Variants in LSAMP observed in about 807,000 individuals in gnomAD.
The protein encoded by LSAMP is limbic system associated membrane protein.
LSAMP carries 7 observed loss-of-function variants against 38.6 expected under a neutral mutation model. That is an observed-to-expected ratio of 0.18 (90% CI 0.10 to 0.34). The LOEUF (loss-of-function observed/expected upper bound fraction) is 0.34. Among genes scored for constraint, LSAMP ranks in the 10% least tolerant of loss-of-function variants. The pLI, the probability that LSAMP is intolerant of heterozygous loss-of-function variation, is 1.00. For synonymous variants in LSAMP, 154 were observed against 166.8 expected (o/e 0.92, Z 0.59); for missense variants, 313 against 420.0 (o/e 0.75, Z 2.23).
At chr3:115,956,459 TA>T (rs1938457971) in intron 3 of LSAMP, among the ~76,000 whole-genome samples, 1 of 152,008 alleles carries the variant, frequency 6.6e-6, no homozygotes, top group African/African-American at 2.4e-5. Context: ...CTACCCCTAT[TA>T]AATCCACTCC....
At chr3:115,852,709 T>A in intron 3 of LSAMP, 92 bp from the exon 4 acceptor site, 2 of 1,223,792 alleles carry the variant, frequency 1.6e-6, no homozygotes, top group Admixed American at 5.3e-5. Context: ...TAAATCCACA[T>A]TTCTTTTCAA....
chr3:115,903,472 G>A (rs1457623661), intron 3 of LSAMP, among the ~76,000 whole-genome samples: 1 of 151,928 alleles, frequency 6.6e-6, no homozygotes, highest in Non-Finnish European at 1.5e-5. Flanking sequence ...ACCTGTACAT[G>A]TACCCTTGAA....
chr3:116,068,922 G>A (rs1294240279), intron 2 of LSAMP, among the ~76,000 whole-genome samples: 1 of 152,214 alleles, frequency 6.6e-6, no homozygotes, highest in Non-Finnish European at 1.5e-5. Flanking sequence ...TGTTTTAAGA[G>A]AGAGGTAAAT....
chr3:116,041,819 A>AC (rs1559931002), intron 2 of LSAMP, among the ~76,000 whole-genome samples: 17 of 145,710 alleles, frequency 1.2e-4, no homozygotes, highest in African/African-American at 1.8e-4. Context: ...AACAAAACAA[A>AC]AAAAAAACAC....
At chr3:115,968,466 C>T (rs1938899341) in intron 3 of LSAMP, among the ~76,000 whole-genome samples, 1 of 152,128 alleles carries the variant, frequency 6.6e-6, no homozygotes, top group African/African-American at 2.4e-5. Context: ...TCTTCTGGCT[C>T]AGGGTGTGTC....
chr3:116,237,824 A>G (rs144047689), intron 1 of LSAMP, among the ~76,000 whole-genome samples: 1 of 152,326 alleles, frequency 6.6e-6, no homozygotes, highest in East Asian at 1.9e-4. Flanking sequence ...CTAAGTTCTC[A>G]TGCATATTTT....
At chr3:116,000,139 G>C (rs535898477) in intron 3 of LSAMP, among the ~76,000 whole-genome samples, 1 of 152,128 alleles carries the variant, frequency 6.6e-6, no homozygotes, top group African/African-American at 2.4e-5. Context: ...TTGGTATTAG[G>C]GACTTTGGGT....
At chr3:116,315,838 C>A (rs1415283483) in intron 1 of LSAMP, among the ~76,000 whole-genome samples, 9 of 152,108 alleles carry the variant, frequency 5.9e-5, no homozygotes, top group Non-Finnish European at 1.0e-4. Context: ...AGTGATGGAA[C>A]ACTAACTCCA....
chr3:116,135,895 T>G (rs1242864930), intron 1 of LSAMP, among the ~76,000 whole-genome samples: 2 of 152,184 alleles, frequency 1.3e-5, no homozygotes, highest in Non-Finnish European at 2.9e-5. Flanking sequence ...TGCACTTTCC[T>G]GATTGATGAG....
intron 1 of LSAMP, among the ~76,000 whole-genome samples, chr3:116,346,521 G>A (rs1011916377): frequency 2.6e-5 from 4 of 151,974 alleles, no homozygotes; most frequent in Non-Finnish European, 5.9e-5. Context: ...TAGAGACTGG[G>A]TTTCACCATG....
chr3:116,279,475 T>C (rs375173123), intron 1 of LSAMP, among the ~76,000 whole-genome samples: 1 of 152,222 alleles, frequency 6.6e-6, no homozygotes, highest in African/African-American at 2.4e-5. Flanking sequence ...AAGCCAGGTG[T>C]AGAAGAGTAG....
chr3:116,138,183 C>T (rs553044481), intron 1 of LSAMP, among the ~76,000 whole-genome samples: 8 of 152,182 alleles, frequency 5.3e-5, no homozygotes, highest in African/African-American at 1.9e-4. Flanking sequence ...ATTATTCCAA[C>T]AGGGCTTGCA....
intron 3 of LSAMP, among the ~76,000 whole-genome samples, chr3:115,999,146 T>G (rs1939912830): frequency 6.6e-6 from 1 of 152,162 alleles, no homozygotes; most frequent in African/African-American, 2.4e-5. Flanking sequence ...TGGGCAACGA[T>G]GATGAGGCTT....
chr3:116,203,719 A>G (rs1458262049), intron 1 of LSAMP, among the ~76,000 whole-genome samples: 1 of 152,000 alleles, frequency 6.6e-6, no homozygotes, highest in African/African-American at 2.4e-5. Context: ...GTCCCTACAA[A>G]GGACATGAAC....
chr3:116,004,886 A>G (rs1233061880), intron 3 of LSAMP, among the ~76,000 whole-genome samples: 1 of 152,152 alleles, frequency 6.6e-6, no homozygotes, highest in African/African-American at 2.4e-5. Flanking sequence ...GAAAATTCAT[A>G]GAATCACACA....
chr3:115,813,651 T>A (rs1933914976), intron 6 of LSAMP, among the ~76,000 whole-genome samples: 1 of 152,178 alleles, frequency 6.6e-6, no homozygotes, highest in South Asian at 2.1e-4. Flanking sequence ...ATAAATAGGC[T>A]TAAAAATACA....
At chr3:116,113,240 AAAAAAG>A (rs1350663161) in intron 1 of LSAMP, among the ~76,000 whole-genome samples, 3 of 151,506 alleles carry the variant, frequency 2.0e-5, no homozygotes, top group African/African-American at 7.3e-5. Flanking sequence ...GAGATTTAGA[AAAAAAG>A]AATAAGAATG....
At chr3:115,827,958 T>C (rs759800268) in intron 6 of LSAMP, among the ~76,000 whole-genome samples, 1 of 152,192 alleles carries the variant, frequency 6.6e-6, no homozygotes. Context: ...AAATAACTTG[T>C]GATGATGAAA....
chr3:116,397,398 C>CAT (rs1489376888), intron 1 of LSAMP, among the ~76,000 whole-genome samples: 3 of 137,950 alleles, frequency 2.2e-5, no homozygotes, highest in African/African-American at 8.5e-5. Context: ...CCCCCCCCCA[C>CAT]ACACACATAC....
Sources: allele counts gnomAD v4.1 joint callset (sites outside exome capture counted in the v4.1 genomes callset), GRCh38; gene constraint gnomAD v4.1.1; transcripts MANE v1.5; gene names NCBI Gene and HGNC (gene_info 2026-07-23, HGNC 2026-07-21).